The following ABCB8 variants were observed in gnomAD, a reference collection of about 807,000 sequenced individuals.
ABCB8 encodes the protein mitochondrial potassium channel ATP-binding subunit.
In ABCB8, 52 loss-of-function variants were observed where a neutral mutation model predicts 73.0. The ratio of observed to expected loss-of-function variants is 0.71; its 90% CI spans 0.57 to 0.90. The LOEUF is 0.90. Ranked by LOEUF, ABCB8 falls within the 40% of genes least tolerant of loss-of-function variation. The probability of loss-of-function intolerance (pLI) is 0.00; values close to 1 mark genes in which losing one functional copy is unlikely to be tolerated. For synonymous variants in ABCB8, 428 were observed against 423.5 expected (o/e 1.01, Z -0.13); for missense variants, 909 against 974.6 (o/e 0.93, Z 0.90).
intron 9 of ABCB8, chr7:151,037,173 G>A (rs746626768): frequency 6.3e-5 from 44 of 702,814 alleles, no homozygotes; most frequent in Middle Eastern, 4.6e-4. Flanking sequence ...CTCTAGGGAC[G>A]TCCTCTAAGT....
chr7:151,041,295 T>G, intron 13 of ABCB8, 63 bp downstream of exon 13: 1 of 1,520,170 alleles, frequency 6.6e-7, no homozygotes, highest in Admixed American at 2.1e-5. Flanking sequence ...CCCTGCCCCC[T>G]TAGTCCTCAG....
rs374625655 is a variant in ABCB8 at position 151,040,939 on chromosome 7, A to G, written c.1483+17A>G. ...CTGGCGGAGGTAAGGGGAGCCCACC[A>G]CCTCTTCACCCTCTGACTCTTCTCT... On this transcript the variant is annotated intron_variant, in intron 12 of 15. Coordinates refer to ENST00000358849, the MANE Select transcript of ABCB8 (RefSeq NM_007188.5). 189 of 1,597,162 alleles carry G rather than the reference A, an allele frequency of 1.2e-4. No homozygotes were observed. Among genetic ancestry groups the G allele is most frequent in the Non-Finnish European group, 1.4e-4 (166 of 1,171,544 alleles).
rs181252585 is a variant in ABCB8, at chr7:151,042,645, C to T, written c.1765+537C>T. ...GAACACGCAGCCTGGCACTGCAGGGCGTGCACCTTGCAGCTTGACGTGCGG... is the reference window on the plus strand; with the variant it reads ...GAACACGCAGCCTGGCACTGCAGGGTGTGCACCTTGCAGCTTGACGTGCGG... On this transcript the variant is annotated intron_variant, in intron 14 of 15. Coordinates refer to ENST00000358849, the MANE Select transcript of ABCB8 (RefSeq NM_007188.5). 1.1e-4 allele frequency among the ~76,000 whole-genome samples: 16 copies of T among 152,362 alleles called. No individual in the cohort carries two copies. The East Asian group carries it at 2.3e-3, about 22-fold the overall frequency.
Position 151,035,679 on chromosome 7 carries a change from G to T in ABCB8, c.864G>T (p.Leu288=), listed in dbSNP as rs1796285042. The change falls in exon 6 of 16, where the codon CTG becomes CTT. Residue 288 remains leucine (L), a synonymous_variant. Transcript: ENST00000358849. The stretch of plus-strand genomic sequence containing the variant: ...TGCTGATGGTGGCCACACCAGCCCT[G>T]ATGGGAGTGGGCACCCTGATGGGCT... ...TLLLMVATPA[L]MGVGTLMGSG... 6.2e-7 allele frequency: 1 copy of T among 1,613,552 alleles called. No individual in the cohort carries two copies. Among genetic ancestry groups the T allele is most frequent in the East Asian group, 2.2e-5 (1 of 44,896 alleles).
rs76802349 is a variant in ABCB8 at position 151,036,184 on chromosome 7, T to C, written c.1111+14T>C. ...TCGCCTTCAACTGTGAGTGAGCCAT[T>C]TGGGGGCTGGAGGGGCGCTTGTGGG... On this transcript the variant is annotated intron_variant, in intron 8 of 15. Transcript: ENST00000358849. 0.053 allele frequency: 84,930 copies of C among 1,594,222 alleles called. 2,483 individuals are homozygous for C. The highest frequency in any genetic ancestry group is 0.061 in the Non-Finnish European group (70,863 of 1,166,298).
rs746219559 is a variant in ABCB8, at chr7:151,034,272, G to T, written c.409-1G>T. 13 of 1,610,036 alleles carry T rather than the reference G, an allele frequency of 8.1e-6. No homozygotes were observed. Among genetic ancestry groups the T allele is most frequent in the Non-Finnish European group, 1.0e-5 (12 of 1,178,302 alleles). ...TTGTGCCCTCTGTCTCCCCATTCCA[G>T]CTGGCCTTGGGTGCGGCACTCGTGA... On this transcript the variant is annotated splice_acceptor_variant, in intron 2 of 15. Transcript: ENST00000358849. LOFTEE classifies it high-confidence loss of function.
At chr7:151,043,283 G>A (rs1796516621) in intron 14 of ABCB8, among the ~76,000 whole-genome samples, 1 of 152,250 alleles carries the variant, frequency 6.6e-6, no homozygotes, top group Non-Finnish European at 1.5e-5. Context: ...AGCCCTGCTG[G>A]CGGTGTCACA....
chr7:151,045,262 C>T lies in ABCB8; in HGVS notation c.2070C>T (p.Ile690=). 2 of 1,605,022 alleles carry T rather than the reference C, an allele frequency of 1.2e-6. No homozygotes were observed. Among genetic ancestry groups the T allele is most frequent in the Non-Finnish European group, 1.7e-6 (2 of 1,175,446 alleles). ...AAGGCGGGCTATACGCCGAGCTCAT[C>T]CGGAGGCAGGCCCTGGATGCCCCGA... The part of the protein sequence containing the change: ...LKKGGLYAEL[I]RRQALDAPRT... Residue 690 remains isoleucine (I), a synonymous_variant, in exon 16 of 16, where the codon ATC becomes ATT. Transcript: ENST00000358849.
chr7:151,028,626 C>T lies in ABCB8; in HGVS notation c.95+16C>T. 1.2e-6 allele frequency: 2 copies of T among 1,610,800 alleles called. No individual in the cohort carries two copies. The highest frequency in any genetic ancestry group is 8.5e-7 in the Non-Finnish European group (1 of 1,179,346). ...CAGCTGTCAGGTAAAAACGGAAAAACCTACTCAGAGCGGGCCATTGACCGC... is the reference window on the plus strand; with the variant it reads ...CAGCTGTCAGGTAAAAACGGAAAAATCTACTCAGAGCGGGCCATTGACCGC... On this transcript the variant is annotated intron_variant, in intron 1 of 15. Transcript: ENST00000358849.
chr7:151,033,298 T>C (rs1468120205), intron 1 of ABCB8: 6 of 702,526 alleles, frequency 8.5e-6, no homozygotes, highest in Non-Finnish European at 1.3e-5. Flanking sequence ...AGGCTGTCAT[T>C]CTGTCAGAGC....
chr7:151,044,161 G>A lies in ABCB8; in HGVS notation c.1956G>A (p.Arg652=). The change falls in exon 15 of 16, where the codon CGG becomes CGA. Residue 652 remains arginine (R), a synonymous_variant. Coordinates refer to ENST00000358849, the MANE Select transcript of ABCB8 (RefSeq NM_007188.5). Reference sequence around the variant, plus strand: ...GCACGGTGCTGGTAATTGCCCACCGGCTCAGCACTGTCCGTGGGGCCCACT... The same window carrying A: ...GCACGGTGCTGGTAATTGCCCACCGACTCAGCACTGTCCGTGGGGCCCACT... ...AGRTVLVIAH[R]LSTVRGAHCI... The A allele has an allele frequency of 6.2e-7, 1 of 1,612,676 alleles. No individual in the cohort carries two copies. The highest frequency in any genetic ancestry group is 8.5e-7 in the Non-Finnish European group (1 of 1,178,842).
At chr7:151,032,081 C>T (rs1796179510) in intron 1 of ABCB8, among the ~76,000 whole-genome samples, 1 of 152,192 alleles carries the variant, frequency 6.6e-6, no homozygotes, top group Non-Finnish European at 1.5e-5. Context: ...TTCAGCCATA[C>T]AATTCCTGAA....
rs894329764 is a variant in ABCB8 at position 151,033,688 on chromosome 7, C to T, written c.179C>T (p.Ala60Val). The change falls in exon 2 of 16, where the codon GCC becomes GTC. Residue 60 changes from alanine to valine, a missense_variant. By Grantham distance (64) the Ala-to-Val change is moderately conservative (BLOSUM62 0). Coordinates refer to ENST00000358849, the MANE Select transcript of ABCB8 (RefSeq NM_007188.5). ...RSQLWAHLPR[A>V]PLAPRWSPSA... is the part of the protein sequence containing the mutation. ...CAGCTCTGGGCCCACCTCCCTCGAGCCCCCCTAGCTCCCAGATGGAGCCCC... is the reference window on the plus strand; with the variant it reads ...CAGCTCTGGGCCCACCTCCCTCGAGTCCCCCTAGCTCCCAGATGGAGCCCC... 1.2e-6 allele frequency: 2 copies of T among 1,611,980 alleles called. No homozygotes were observed. The highest frequency in any genetic ancestry group is 1.7e-5 in the Admixed American group (1 of 59,862).
At chr7:151,036,439 C>T in intron 8 of ABCB8, 105 bp from the exon 9 acceptor site, 1 of 1,085,466 alleles carries the variant, frequency 9.2e-7, no homozygotes, top group Non-Finnish European at 1.4e-6. Flanking sequence ...ACGCTGGGAC[C>T]AGTCATGCGC....
chr7:151,037,400 T>G (rs1300299473), intron 9 of ABCB8: 2 of 695,854 alleles, frequency 2.9e-6, no homozygotes, highest in East Asian at 2.7e-5. Flanking sequence ...CACCCCACCC[T>G]TATAGCTTAT....
chr7:151,033,318 A>G lies in ABCB8; in HGVS notation c.96-287A>G, dbSNP rs999729077. On this transcript the variant is annotated intron_variant, in intron 1 of 15. Transcript: ENST00000358849. ...GTCATTCTGTCAGAGCCTGGAGTCG[A>G]GGCTGCGAGGGCCCTGGCTGGCTGG... 1.6e-5 allele frequency: 15 copies of G among 915,976 alleles called. No homozygotes were observed. The African/African-American group carries it at 2.4e-4, about 14-fold the overall frequency. 56.7% of individuals were successfully genotyped at this position (915,976 alleles called of 1,614,324 possible). A position where few individuals can be genotyped will look rare whatever the true frequency, so the allele number is the denominator to read the frequency against.
rs1283394957 is a variant in ABCB8, at chr7:151,040,646, T to G, written c.1388+12T>G. On this transcript the variant is annotated intron_variant, in intron 11 of 15. Coordinates refer to ENST00000358849, the MANE Select transcript of ABCB8 (RefSeq NM_007188.5). Reference sequence around the variant, plus strand: ...AACGTCTGCTTCAGGTCAGCACGGGTGAGCAGGCGTGGGGATGGGTCCCTG... The same window carrying G: ...AACGTCTGCTTCAGGTCAGCACGGGGGAGCAGGCGTGGGGATGGGTCCCTG... 1 of 1,608,872 alleles carries G rather than the reference T, an allele frequency of 6.2e-7. No homozygotes were observed. Among genetic ancestry groups the G allele is most frequent in the African/African-American group, 1.3e-5 (1 of 74,816 alleles).
In ABCB8 at chr7:151,033,631, C is replaced by A; in HGVS notation, c.122C>A (p.Ser41Tyr). ...TACTCTGATGGCTACCGCAGCTCCT[C>A]CCTCCTCCGGGCCGTGGCCCACCTG... Reference protein sequence around the residue: ...VRYSDGYRSSSLLRAVAHLRS... With the variant: ...VRYSDGYRSSYLLRAVAHLRS... The change falls in exon 2 of 16, where the codon TCC becomes TAC. Residue 41 changes from serine to tyrosine, a missense_variant. By Grantham distance (144) the Ser-to-Tyr change is moderately radical. Transcript: ENST00000358849. 3 of 1,591,996 alleles carry A rather than the reference C, an allele frequency of 1.9e-6. No individual in the cohort carries two copies. Among genetic ancestry groups the A allele is most frequent in the Non-Finnish European group, 2.6e-6 (3 of 1,166,306 alleles).
intron 1 of ABCB8, chr7:151,028,863 A>C (rs906491953): frequency 9.1e-6 from 14 of 1,535,360 alleles, no homozygotes; most frequent in Non-Finnish European, 1.2e-5. Flanking sequence ...GTCAGTGACC[A>C]CGCCCAGTCC....
Sources: gnomAD v4.1 joint callset for allele counts (sites outside exome capture counted in the v4.1 genomes callset) on GRCh38, gnomAD v4.1.1 for gene constraint, MANE v1.5 for transcripts, NCBI Gene and HGNC (gene_info 2026-07-23, HGNC 2026-07-21) for gene names.